Variants in EIF4G3 observed in about 807,000 individuals in gnomAD.
The protein encoded by EIF4G3 is eIF-4-gamma 3.
A neutral mutation model predicts 186.4 loss-of-function variants in EIF4G3; 34 were observed. That is an observed-to-expected ratio of 0.18 (90% CI 0.14 to 0.24). The LOEUF (loss-of-function observed/expected upper bound fraction) is 0.24. EIF4G3 is among the 10% of genes least tolerant of loss of function. EIF4G3 has a pLI of 1.00. For missense variants in EIF4G3, 1,536 were observed against 1,948.5 expected (o/e 0.79, Z 3.99); for synonymous variants, 673 against 679.5 (o/e 0.99, Z 0.15).
intron 2 of EIF4G3, among the ~76,000 whole-genome samples, chr1:21,099,871 C>T (rs779786745): frequency 2.2e-4 from 33 of 151,956 alleles, no homozygotes; most frequent in African/African-American, 6.5e-4. Flanking sequence ...CTCCTAGGCA[C>T]GTATTCAACA....
chr1:21,139,950 C>T (rs1032664229), intron 2 of EIF4G3, among the ~76,000 whole-genome samples: 4 of 152,216 alleles, frequency 2.6e-5, no homozygotes, highest in Non-Finnish European at 5.9e-5. Context: ...CTGATTAAGA[C>T]AGTATTTTCT....
chr1:20,878,873 A>C (rs2081560457), intron 20 of EIF4G3, among the ~76,000 whole-genome samples: 1 of 152,262 alleles, frequency 6.6e-6, no homozygotes, highest in African/African-American at 2.4e-5. Context: ...CTATGACATG[A>C]AATTATCAGC....
At chr1:20,808,221 C>T (rs1364952316) in intron 36 of EIF4G3, among the ~76,000 whole-genome samples, 3 of 152,004 alleles carry the variant, frequency 2.0e-5, no homozygotes, top group Non-Finnish European at 2.9e-5. Context: ...GAAGCTGTTT[C>T]ATATCATGTT....
At chr1:20,841,712 T>C (rs1332348848) in intron 29 of EIF4G3, among the ~76,000 whole-genome samples, 30 of 152,222 alleles carry the variant, frequency 2.0e-4, no homozygotes, top group Admixed American at 2.0e-3. Flanking sequence ...TCAATATCTT[T>C]GGTCTGAAGG....
intron 18 of EIF4G3, chr1:20,892,575 A>G (rs1334488546): frequency 7.9e-7 from 1 of 1,266,794 alleles, no homozygotes; most frequent in Admixed American, 2.0e-5. Context: ...AAAATATTAT[A>G]ACACCAGAGA....
chr1:20,864,822 G>A, intron 21 of EIF4G3, 110 bp from the exon 22 acceptor site: 7 of 1,014,668 alleles, frequency 6.9e-6, no homozygotes, highest in Non-Finnish European at 1.0e-5. Flanking sequence ...AGCAAGTGTA[G>A]AATCTACTGC....
At chr1:20,873,720 C>CTTT (rs2079904682) in intron 20 of EIF4G3, among the ~76,000 whole-genome samples, 1 of 103,968 alleles carries the variant, frequency 9.6e-6, no homozygotes, top group Non-Finnish European at 2.0e-5. Flanking sequence ...TTTTTTTTTC[C>CTTT]TTAAAAAAAA....
intron 14 of EIF4G3, among the ~76,000 whole-genome samples, chr1:20,909,664 G>GT (rs1339297391): frequency 6.7e-6 from 1 of 149,492 alleles, no homozygotes; most frequent in Non-Finnish European, 1.5e-5. Flanking sequence ...GTTTGTTTTT[G>GT]TTTTTTTCCC....
chr1:20,823,667 AC>A (rs778430563), intron 33 of EIF4G3, among the ~76,000 whole-genome samples: 1 of 151,944 alleles, frequency 6.6e-6, no homozygotes, highest in Non-Finnish European at 1.5e-5. Flanking sequence ...GAGCCACTGC[AC>A]CCAACCTTTT....
At chr1:20,931,595 G>A (rs2095313345) in intron 14 of EIF4G3, among the ~76,000 whole-genome samples, 1 of 152,126 alleles carries the variant, frequency 6.6e-6, no homozygotes. Context: ...TAGCTTTAAT[G>A]CCAGGTATTG....
chr1:20,952,619 C>T (rs952723758), intron 12 of EIF4G3, among the ~76,000 whole-genome samples: 2 of 152,166 alleles, frequency 1.3e-5, no homozygotes, highest in Non-Finnish European at 1.5e-5. Flanking sequence ...GAGGCCAAGG[C>T]AGACAGATCA....
chr1:20,975,432 C>A (rs1359700309), intron 10 of EIF4G3, among the ~76,000 whole-genome samples: 1 of 150,754 alleles, frequency 6.6e-6, no homozygotes, highest in Non-Finnish European at 1.5e-5. Flanking sequence ...ATTTTTGAGC[C>A]TACATGATTG....
At chr1:21,156,757 A>AC (rs892104554) in intron 2 of EIF4G3, among the ~76,000 whole-genome samples, 1 of 152,110 alleles carries the variant, frequency 6.6e-6, no homozygotes, top group African/African-American at 2.4e-5. Flanking sequence ...GACAGGATGT[A>AC]CCTCAGCAAA....
intron 35 of EIF4G3, among the ~76,000 whole-genome samples, chr1:20,811,156 G>C (rs2059158098): frequency 6.6e-6 from 1 of 152,080 alleles, no homozygotes; most frequent in Non-Finnish European, 1.5e-5. Context: ...GTTTCACCAT[G>C]TTGGTCAGAC....
chr1:21,072,677 C>T (rs1042423956), intron 3 of EIF4G3, among the ~76,000 whole-genome samples: 14 of 152,202 alleles, frequency 9.2e-5, no homozygotes, highest in African/African-American at 3.1e-4. Flanking sequence ...GCTGGGATTA[C>T]AGGCGTGAGC....
intron 17 of EIF4G3, 119 bp from the exon 18 acceptor site, chr1:20,893,755 AACCCGCAGAAGTCCAATCTC>A (rs1456790102): frequency 8.5e-7 from 1 of 1,177,266 alleles, no homozygotes; most frequent in Non-Finnish European, 1.1e-6. Context: ...CCAGCTTTGG[AACCCGCAGAAGTCCAATCTC>A]ATCCATGGCA....
At position 20,857,575 on chromosome 1, in the gene EIF4G3, C is replaced by T; in HGVS notation, c.3245-78G>A. 5 of 1,158,102 alleles carry T rather than the reference C, an allele frequency of 4.3e-6. No homozygotes were observed. The South Asian group carries it at 6.2e-5, about 14-fold the overall frequency. The allele number at this position is 1,158,102 out of a possible 1,614,324, so 71.7% of individuals were successfully genotyped here. On this transcript the variant is annotated intron_variant, in intron 24 of 36. Transcript: ENST00000602326. Reference sequence around the variant, plus strand: ...TTGAAAGAGTGAGCAATATTTTCATCAAAACCAAGGAGAAAGACAACAGAA... The same window carrying T: ...TTGAAAGAGTGAGCAATATTTTCATTAAAACCAAGGAGAAAGACAACAGAA...
At chr1:20,913,267 C>A (rs973671267) in intron 14 of EIF4G3, among the ~76,000 whole-genome samples, 9 of 152,160 alleles carry the variant, frequency 5.9e-5, no homozygotes, top group African/African-American at 2.2e-4. Flanking sequence ...GACTTAAATT[C>A]TATCAAAAAC....
At chr1:20,882,685 T>TA (rs2082784598) in intron 19 of EIF4G3, among the ~76,000 whole-genome samples, 1 of 151,336 alleles carries the variant, frequency 6.6e-6, no homozygotes, top group African/African-American at 2.4e-5. Context: ...TCCATGCCTA[T>TA]AGTCCCAGCT....
Sources: gnomAD v4.1 joint callset for allele counts (sites outside exome capture counted in the v4.1 genomes callset) on GRCh38, gnomAD v4.1.1 for gene constraint, MANE v1.5 for transcripts, NCBI Gene and HGNC (gene_info 2026-07-23, HGNC 2026-07-21) for gene names.